Variants in RCC2 observed in about 807,000 individuals in gnomAD.
The protein encoded by RCC2 is protein RCC2.
A neutral mutation model predicts 64.1 loss-of-function variants in RCC2; 19 were observed. The ratio of observed to expected loss-of-function variants is 0.30; its 90% confidence interval spans 0.21 to 0.44. The LOEUF is 0.44. Ranked by LOEUF, RCC2 falls within the 20% of genes least tolerant of loss-of-function variation. The pLI is 1.00. For missense variants in RCC2, 508 were observed against 710.4 expected (o/e 0.72, Z 3.24); for synonymous variants, 325 against 279.6 (o/e 1.16, Z -1.62).
chr1:17,409,304 G>A (rs2075400115), intron 12 of RCC2, 110 bp from the exon 13 acceptor site: 4 of 734,436 alleles, frequency 5.4e-6, no homozygotes, highest in Non-Finnish European at 2.4e-6. Context: ...GAGAAAAACA[G>A]AGTGCCCTTG....
chr1:17,434,954 A>T (rs909267247), intron 2 of RCC2, among the ~76,000 whole-genome samples: 1 of 152,186 alleles, frequency 6.6e-6, no homozygotes. Flanking sequence ...AAATACAAAA[A>T]TTACCGAGCA....
Position 17,420,925 on chromosome 1 carries a change from A to C in RCC2, c.745-97T>G, listed in dbSNP as rs976905372. ...GGTGGGAAACAATTACTAGGTTACA[A>C]ACGGAAGTTTAATAAACTCAGTAAT... is the stretch of plus-strand genomic sequence containing the variant. On this transcript the variant is annotated intron_variant, in intron 6 of 12. Transcript: ENST00000375436. The C allele has an allele frequency of 5.2e-6, 4 of 762,992 alleles. No homozygotes were observed. The African/African-American group carries it at 7.0e-5, about 13-fold the overall frequency. The allele number at this position is 762,992 out of a possible 1,614,324, so 47.3% of individuals were successfully genotyped here. A position where few individuals can be genotyped will look rare whatever the true frequency, so the allele number is the denominator to read the frequency against.
chr1:17,431,822 C>T (rs971034165), intron 2 of RCC2, among the ~76,000 whole-genome samples: 2 of 151,868 alleles, frequency 1.3e-5, no homozygotes, highest in Admixed American at 1.3e-4. Flanking sequence ...GTGAGGCCAG[C>T]CGCGGTAGCT....
intron 2 of RCC2, among the ~76,000 whole-genome samples, chr1:17,434,618 A>C (rs2075716828): frequency 1.3e-5 from 2 of 152,220 alleles, no homozygotes; most frequent in African/African-American, 2.4e-5. Context: ...GTTGGTCAGA[A>C]GCTACCAGGG....
chr1:17,433,874 A>G (rs931900234), intron 2 of RCC2, among the ~76,000 whole-genome samples: 1 of 150,598 alleles, frequency 6.6e-6, no homozygotes, highest in African/African-American at 2.5e-5. Flanking sequence ...GCATCGACCA[A>G]TTACCTAAGG....
Position 17,413,737 on chromosome 1 carries a change from A to C in RCC2, c.1027-20T>G, listed in dbSNP as rs202229635. 76 of 1,603,278 alleles carry C rather than the reference A, an allele frequency of 4.7e-5. No individual in the cohort carries two copies. The African/African-American group carries it at 7.5e-4, about 16-fold the overall frequency. ...GACCAGCTGCAAGGAAAGAAAACACAGGGTTGGAACAAACAGACTTCCAAC... is the reference window on the plus strand; with the variant it reads ...GACCAGCTGCAAGGAAAGAAAACACCGGGTTGGAACAAACAGACTTCCAAC... On this transcript the variant is annotated intron_variant, in intron 8 of 12. Transcript: ENST00000375436.
intron 7 of RCC2, among the ~76,000 whole-genome samples, chr1:17,417,393 C>T (rs1006002183): frequency 3.3e-5 from 5 of 152,210 alleles, no homozygotes; most frequent in African/African-American, 1.2e-4. Context: ...TTTGGTTGGG[C>T]ACGGTGGGCC....
rs2075407924 is a variant in RCC2 at position 17,410,034 on chromosome 1, C to T, written c.1404G>A (p.Lys468=). The change falls in exon 12 of 13, where the codon AAG becomes AAA. Residue 468 remains lysine, a synonymous_variant. Transcript: ENST00000375436. ...CCTGGGCTGCAGTGGAAGACTTGGG[C>T]TTGTGGTCCCCGTAGCCCTGGCGAA... ...TFGELGYGDH[K]PKSSTAAQEV... The T allele has an allele frequency of 1.2e-6, 2 of 1,613,940 alleles. No homozygotes were observed. Among genetic ancestry groups the T allele is most frequent in the African/African-American group, 1.3e-5 (1 of 74,920 alleles).
At chr1:17,431,887 T>C (rs1014750471) in intron 2 of RCC2, among the ~76,000 whole-genome samples, 4 of 152,068 alleles carry the variant, frequency 2.6e-5, no homozygotes, top group African/African-American at 9.7e-5. Context: ...TCACCTGCGG[T>C]CAGGAGTTTG....
chr1:17,416,741 C>T, intron 7 of RCC2, 95 bp from the exon 8 acceptor site: 2 of 1,335,338 alleles, frequency 1.5e-6, no homozygotes, highest in Non-Finnish European at 2.0e-6. Flanking sequence ...CCCGGCAGCA[C>T]CCCAATCTGG....
At position 17,408,898 on chromosome 1, in the gene RCC2, T is replaced by G. The variant is rs1440216525; in HGVS notation, c.*192A>C. 1 of 536,946 alleles carries G rather than the reference T, an allele frequency of 1.9e-6. No individual in the cohort carries two copies. Among genetic ancestry groups the G allele is most frequent in the African/African-American group, 1.9e-5 (1 of 53,170 alleles). The allele number at this position is 536,946 out of a possible 1,614,324, so 33.3% of individuals were successfully genotyped here. A position where few individuals can be genotyped will look rare whatever the true frequency, so the allele number is the denominator to read the frequency against. On this transcript the variant is annotated 3_prime_UTR_variant, in exon 13 of 13. Coordinates refer to ENST00000375436, the MANE Select transcript of RCC2 (RefSeq NM_018715.4). ...CAACATTAAGGGAAAAAAAAGGACT[T>G]TGGAAAGCATACAGAAAAAAAGGTA...
intron 1 of RCC2, among the ~76,000 whole-genome samples, chr1:17,438,924 G>A (rs966271024): frequency 1.1e-4 from 17 of 152,150 alleles, no homozygotes; most frequent in African/African-American, 3.6e-4. Context: ...TTCCCCCTTG[G>A]CACCTGGGTG....
At position 17,412,993 on chromosome 1, in the gene RCC2, G is replaced by A. The variant is rs1028314846; in HGVS notation, c.1313+80C>T. The A allele has an allele frequency of 5.2e-5, 54 of 1,031,212 alleles. 1 individual carries two copies. Among genetic ancestry groups the A allele is most frequent in the Non-Finnish European group, 2.4e-5 (16 of 671,804 alleles). 63.9% of individuals were successfully genotyped at this position (1,031,212 alleles called of 1,614,324 possible). ...AGGCAGCAGAAACAGAGCCCCATCA[G>A]GGAGGGGCACCCCATGGGTGTGTCT... On this transcript the variant is annotated intron_variant, in intron 10 of 12. Transcript: ENST00000375436.
chr1:17,410,381 G>A (rs2075411466), intron 11 of RCC2, among the ~76,000 whole-genome samples: 1 of 152,220 alleles, frequency 6.6e-6, no homozygotes, highest in African/African-American at 2.4e-5. Context: ...CAGGAAGAAT[G>A]GCAACTGCGG....
Position 17,438,467 on chromosome 1 carries a change from C to T in RCC2, c.48G>A (p.Ser16=), listed in dbSNP as rs1474450989. 7 of 1,330,378 alleles carry T rather than the reference C, an allele frequency of 5.3e-6. No individual in the cohort carries two copies. The highest frequency in any genetic ancestry group is 5.7e-6 in the Non-Finnish European group (6 of 1,044,536). 82.4% of individuals were successfully genotyped at this position (1,330,378 alleles called of 1,614,324 possible). A position where few individuals can be genotyped will look rare whatever the true frequency, so the allele number is the denominator to read the frequency against. ...GCCCGGCGCGGGCAGTGCCGTTGCC[C>T]GAGCTCGGCTCCTCCCAGGCCGCCG... ...AAAAAWEEPS[S]GNGTARAGPR... is the part of the protein sequence containing the mutation. The change falls in exon 2 of 13, where the codon TCG becomes TCA. Residue 16 remains serine (S), a synonymous_variant. Transcript: ENST00000375436.
At chr1:17,438,035 G>A (rs1172162800) in intron 2 of RCC2, among the ~76,000 whole-genome samples, 195 bp downstream of exon 2, 3 of 146,658 alleles carry the variant, frequency 2.0e-5, no homozygotes, top group East Asian at 4.1e-4. Flanking sequence ...GTAGGCCGCG[G>A]GCCGCGCGCC....
chr1:17,422,954 T>C, intron 4 of RCC2, 118 bp from the exon 5 acceptor site: 1 of 1,229,978 alleles, frequency 8.1e-7, no homozygotes, highest in Non-Finnish European at 1.1e-6. Context: ...GAAGGTACCC[T>C]CCAAATTCCC....
chr1:17,429,048 C>A, intron 3 of RCC2, 58 bp downstream of exon 3: 1 of 1,351,910 alleles, frequency 7.4e-7, no homozygotes, highest in South Asian at 1.2e-5. Context: ...GGCAGGTGGT[C>A]AACAGAACCT....
chr1:17,416,516 C>T lies in RCC2; in HGVS notation c.990G>A (p.Val330=). 6.2e-7 allele frequency: 1 copy of T among 1,613,660 alleles called. No individual in the cohort carries two copies. The highest frequency in any genetic ancestry group is 8.5e-7 in the Non-Finnish European group (1 of 1,179,974). Residue 330 remains valine (V), a synonymous_variant, in exon 8 of 13, where the codon GTG becomes GTA. Transcript: ENST00000375436. ...CGCCACAGGCCACGTCTCGTACAAC[C>T]ACGTTTGGTACAGGCAGAATCTGTC... ...KDGQILPVPN[V]VVRDVACGAN...
Sources: allele counts gnomAD v4.1 joint callset (sites outside exome capture counted in the v4.1 genomes callset), GRCh38; gene constraint gnomAD v4.1.1; transcripts MANE v1.5; gene names NCBI Gene and HGNC (gene_info 2026-07-23, HGNC 2026-07-21).